Variants in GRIN2B observed in about 807,000 individuals in gnomAD.
GRIN2B encodes the protein glutamate ionotropic receptor NMDA type subunit 2B.
A neutral mutation model predicts 114.5 loss-of-function variants in GRIN2B; 5 were observed. The observed-to-expected ratio is 0.04, with a 90% confidence interval of 0.02 to 0.09. The LOEUF (loss-of-function observed/expected upper bound fraction) is 0.09, where lower values mean the gene tolerates loss of function less well. Among genes scored for constraint, GRIN2B ranks in the 10% least tolerant of loss-of-function variants. GRIN2B has a pLI of 1.00. For synonymous variants in GRIN2B, 787 were observed against 745.1 expected (o/e 1.06, Z -0.92); for missense variants, 1,108 against 1,943.5 (o/e 0.57, Z 8.08).
At chr12:13,725,322 G>A (rs1862961095) in intron 4 of GRIN2B, among the ~76,000 whole-genome samples, 1 of 152,118 alleles carries the variant, frequency 6.6e-6, no homozygotes, top group African/African-American at 2.4e-5. Flanking sequence ...AGGGGTGGAG[G>A]AGGATGTGCA....
chr12:13,668,346 C>G (rs1399626965), intron 5 of GRIN2B, among the ~76,000 whole-genome samples: 1 of 152,182 alleles, frequency 6.6e-6, no homozygotes, highest in Non-Finnish European at 1.5e-5. Flanking sequence ...AGTCTATTCC[C>G]CCAATACATC....
At chr12:13,851,137 A>G (rs1278408274) in intron 3 of GRIN2B, among the ~76,000 whole-genome samples, 1 of 152,176 alleles carries the variant, frequency 6.6e-6, no homozygotes, top group African/African-American at 2.4e-5. Flanking sequence ...AACATACCCA[A>G]AAGAGTATGT....
chr12:13,611,791 C>T lies in GRIN2B; in HGVS notation c.1714G>A (p.Val572Met), dbSNP rs750935831. Residue 572 changes from valine to methionine, a missense_variant, in exon 9 of 14, where the codon GTG (valine) becomes ATG (methionine). Transcript: ENST00000609686. ...MFVMLLIVSAVAVFVFEYFSP... is the reference protein window; with the variant it reads ...MFVMLLIVSAMAVFVFEYFSP... Reference sequence around the variant, plus strand: ...AAGTACTCAAAGACAAAGACAGCCACGGCTGAGACGATGAGCAGCATCACA... The same window carrying T: ...AAGTACTCAAAGACAAAGACAGCCATGGCTGAGACGATGAGCAGCATCACA... The T allele has an allele frequency of 7.4e-6, 12 of 1,613,104 alleles. No individual in the cohort carries two copies. Among genetic ancestry groups the T allele is most frequent in the East Asian group, 2.2e-5 (1 of 44,886 alleles).
intron 10 of GRIN2B, among the ~76,000 whole-genome samples, chr12:13,603,651 G>A (rs578063345): frequency 3.3e-5 from 5 of 151,820 alleles, no homozygotes; most frequent in African/African-American, 1.2e-4. Flanking sequence ...ATTAGTAGTA[G>A]TAATAGTAGT....
intron 4 of GRIN2B, among the ~76,000 whole-genome samples, chr12:13,736,821 A>C (rs1489564065): frequency 6.6e-6 from 1 of 152,042 alleles, no homozygotes; most frequent in Non-Finnish European, 1.5e-5. Context: ...GGAGTTCAAG[A>C]CCATCCTGGC....
intron 10 of GRIN2B, among the ~76,000 whole-genome samples, chr12:13,577,559 G>T (rs1376757554): frequency 6.6e-6 from 1 of 152,192 alleles, no homozygotes; most frequent in Non-Finnish European, 1.5e-5. Flanking sequence ...AGAAAGAAAG[G>T]AAGAGGGGAG....
At position 13,615,462 on chromosome 12, in the gene GRIN2B, G is replaced by A. The variant is rs1565477718; in HGVS notation, c.1500+31C>T. The A allele has an allele frequency of 1.3e-6, 2 of 1,582,052 alleles. No individual in the cohort carries two copies. Among genetic ancestry groups the A allele is most frequent in the Non-Finnish European group, 1.7e-6 (2 of 1,150,834 alleles). ...TAGAAGAAGGAAAATAAATGAAAAT[G>A]GAAATGGAAACAGCCCTTGTGGACA... is the stretch of plus-strand genomic sequence containing the variant. On this transcript the variant is annotated intron_variant, in intron 7 of 13. Coordinates refer to ENST00000609686, the MANE Select transcript of GRIN2B (RefSeq NM_000834.5). The surrounding 1 kb of genome is among the most constrained non-coding windows in gnomAD (Gnocchi z 5.8).
At chr12:13,773,698 A>C (rs1361814673) in intron 3 of GRIN2B, among the ~76,000 whole-genome samples, 1 of 152,220 alleles carries the variant, frequency 6.6e-6, no homozygotes, top group Non-Finnish European at 1.5e-5. Flanking sequence ...CAACATTACT[A>C]GAAATTCTTC....
intron 9 of GRIN2B, among the ~76,000 whole-genome samples, chr12:13,611,503 G>C (rs1284650193): frequency 6.6e-6 from 1 of 152,160 alleles, no homozygotes; most frequent in Admixed American, 6.5e-5. Context: ...AGTGAAACTA[G>C]GCTTGGGGCC....
intron 3 of GRIN2B, among the ~76,000 whole-genome samples, chr12:13,809,275 A>G (rs192438552): frequency 3.3e-5 from 5 of 152,314 alleles, no homozygotes; most frequent in African/African-American, 7.2e-5. Context: ...TCAGCTCTTT[A>G]TGAGACAACA....
At chr12:13,799,797 G>T (rs118016575) in intron 3 of GRIN2B, among the ~76,000 whole-genome samples, 1 of 152,046 alleles carries the variant, frequency 6.6e-6, no homozygotes, top group Non-Finnish European at 1.5e-5. Flanking sequence ...ATGGCAGGGG[G>T]TACAGGCAAG....
At chr12:13,656,919 G>A (rs1949870184) in intron 5 of GRIN2B, among the ~76,000 whole-genome samples, 1 of 152,148 alleles carries the variant, frequency 6.6e-6, no homozygotes, top group Non-Finnish European at 1.5e-5. Flanking sequence ...CTTGTCCAAG[G>A]TCACCCACTA....
rs559614420 is a variant in GRIN2B, at chr12:13,690,546, C to T, written c.1011-14687G>A. On this transcript the variant is annotated intron_variant, in intron 4 of 13. Coordinates refer to ENST00000609686, the MANE Select transcript of GRIN2B (RefSeq NM_000834.5). ...AAGTTTGGATTGACTTCATTCTTGC[C>T]CAGACTCTTTTTAAACTTCTCCCTT... 5.3e-5 allele frequency among the ~76,000 whole-genome samples: 8 copies of T among 151,780 alleles called. No homozygotes were observed. In the South Asian group the frequency reaches 1.7e-3, roughly 32 times the overall value.
At chr12:13,689,727 A>C (rs1344169981) in intron 4 of GRIN2B, among the ~76,000 whole-genome samples, 1 of 152,162 alleles carries the variant, frequency 6.6e-6, no homozygotes, top group African/African-American at 2.4e-5. Flanking sequence ...GCTCTCAGCA[A>C]AGGATCTCTA....
At position 13,563,353 on chromosome 12, in the gene GRIN2B, C is replaced by G. The variant is rs143736428; in HGVS notation, c.3885G>C (p.Arg1295=). 6.2e-7 allele frequency: 1 copy of G among 1,613,966 alleles called. No homozygotes were observed. The highest frequency in any genetic ancestry group is 1.3e-5 in the African/African-American group (1 of 74,870). ...PTNSKAQKKN[R]NKLRRQHSYD... ...AGGAGTGCTGCCGGCGCAGTTTGTT[C>G]CGGTTCTTCTTCTGGGCCTTGGAAT... Residue 1295 remains arginine, a synonymous_variant, in exon 14 of 14, where the codon CGG becomes CGC. Coordinates refer to ENST00000609686, the MANE Select transcript of GRIN2B (RefSeq NM_000834.5).
rs1175188461 is a variant in GRIN2B at position 13,541,820 on chromosome 12, C to T, written c.*20963G>A. 2 of 152,210 alleles carry T rather than the reference C, an allele frequency of 1.3e-5. No individual in the cohort carries two copies. Among genetic ancestry groups the T allele is most frequent in the East Asian group, 3.8e-4 (2 of 5,196 alleles). The allele number at this position is 152,210 out of a possible 1,614,324, so 9.4% of individuals were successfully genotyped here. A position where few individuals can be genotyped will look rare whatever the true frequency, so the allele number is the denominator to read the frequency against. On this transcript the variant is annotated 3_prime_UTR_variant, in exon 14 of 14. Coordinates refer to ENST00000609686, the MANE Select transcript of GRIN2B (RefSeq NM_000834.5). The stretch of plus-strand genomic sequence containing the variant: ...TAGAAATGGCCTAACAGTTTCTCTT[C>T]TCAAATTATGATTTTTTCAGGTGGC...
chr12:13,574,119 G>GGTAA (rs1036534347), intron 10 of GRIN2B, among the ~76,000 whole-genome samples: 2 of 152,122 alleles, frequency 1.3e-5, no homozygotes, highest in Admixed American at 6.5e-5. Flanking sequence ...ACCCAAAGAG[G>GGTAA]GTAAGTAATT....
chr12:13,921,830 C>T (rs1359664670), intron 2 of GRIN2B, among the ~76,000 whole-genome samples: 1 of 152,104 alleles, frequency 6.6e-6, no homozygotes, highest in Non-Finnish European at 1.5e-5. Context: ...CCACAGTAGG[C>T]ATGCGATAGA....
chr12:13,783,864 C>T (rs1864167473), intron 3 of GRIN2B, among the ~76,000 whole-genome samples: 1 of 152,078 alleles, frequency 6.6e-6, no homozygotes, highest in East Asian at 1.9e-4. Flanking sequence ...CCTGAGAGTT[C>T]AGTGTTTTCA....
Sources: allele counts gnomAD v4.1 joint callset (sites outside exome capture counted in the v4.1 genomes callset), GRCh38; gene constraint gnomAD v4.1.1; non-coding constraint Gnocchi (gnomAD v3.1); transcripts MANE v1.5; gene names NCBI Gene and HGNC (gene_info 2026-07-23, HGNC 2026-07-21).